The following FMN2 variants were observed in gnomAD, a reference collection of about 807,000 sequenced individuals.
FMN2 encodes the protein formin 2.
In FMN2, 51 loss-of-function variants were observed where a neutral mutation model predicts 142.3. The observed-to-expected ratio is 0.36, with a 90% CI of 0.29 to 0.45. The LOEUF is 0.45. Among genes scored for constraint, FMN2 ranks in the 20% least tolerant of loss-of-function variants. The pLI is 1.00. For missense variants in FMN2, 1,936 were observed against 2,122.8 expected, an observed-to-expected ratio of 0.91 and a Z score of 1.73; for synonymous variants, 882 against 869.8, an observed-to-expected ratio of 1.01 and a Z score of -0.25.
rs1310809296 is a variant in FMN2, at chr1:240,334,235, T to A, written c.4765+6T>A. On this transcript the variant is annotated splice_donor_region_variant and intron_variant, in intron 13 of 17. Coordinates refer to ENST00000319653, the MANE Select transcript of FMN2 (RefSeq NM_020066.5). ...ACTGAAGAAAGACTTGAAAGGTAAC[T>A]TAAAATCCTGAACTCATGTTTTCTG... is the stretch of plus-strand genomic sequence containing the variant. 2.5e-6 allele frequency: 4 copies of A among 1,588,282 alleles called. No homozygotes were observed. In the East Asian group the frequency reaches 9.0e-5, roughly 36 times the overall value.
At chr1:240,447,687 T>C (rs1675874497) in intron 16 of FMN2, among the ~76,000 whole-genome samples, 1 of 152,226 alleles carries the variant, frequency 6.6e-6, no homozygotes, top group Non-Finnish European at 1.5e-5. Context: ...GATTCGTCTT[T>C]GTGAGGAGCT....
At chr1:240,336,582 A>AG (rs1553365084) in intron 13 of FMN2, among the ~76,000 whole-genome samples, 16,939 of 99,592 alleles carry the variant, frequency 0.17, 5,266 homozygotes, top group East Asian at 0.29. Flanking sequence ...AAAAAAAAAA[A>AG]GGTGGTTGCA....
chr1:240,399,549 G>A (rs750331016), intron 15 of FMN2, among the ~76,000 whole-genome samples: 1 of 152,096 alleles, frequency 6.6e-6, no homozygotes, highest in Non-Finnish European at 1.5e-5. Context: ...ATGAAGATAG[G>A]AGCTTCCACT....
At position 240,208,093 on chromosome 1, in the gene FMN2, C is replaced by T. The variant is rs201701711; in HGVS notation, c.3281C>T (p.Ala1094Val). ...GIPPPPPLPGAGIPPPPPLPG... is the reference protein window; with the variant it reads ...GIPPPPPLPGVGIPPPPPLPG... ...CCCCCACCTCCCCCTCTACCCGGAG[C>T]GGGCATACCCCCTCCGCCCCCTCTA... is the stretch of plus-strand genomic sequence containing the variant. Residue 1094 changes from alanine to valine, a missense_variant, in exon 5 of 18, where the codon GCG becomes GTG. Around this residue, in one of 8 missense-constraint regions of FMN2, gnomAD observed 56 missense variants for 111.8 expected, o/e 0.50. Coordinates refer to ENST00000319653, the MANE Select transcript of FMN2 (RefSeq NM_020066.5). 353 of 896,028 alleles carry T rather than the reference C, an allele frequency of 3.9e-4. 1 individual carries two copies. Among genetic ancestry groups the T allele is most frequent in the Non-Finnish European group, 5.3e-4 (314 of 589,996 alleles). 55.5% of individuals were successfully genotyped at this position (896,028 alleles called of 1,614,324 possible). A position where few individuals can be genotyped will look rare whatever the true frequency, so the allele number is the denominator to read the frequency against.
At chr1:240,443,487 C>CAGCACTTTGGGAGGCCA (rs1553265914) in intron 16 of FMN2, among the ~76,000 whole-genome samples, 4 of 152,064 alleles carry the variant, frequency 2.6e-5, no homozygotes, top group Admixed American at 2.0e-4. Flanking sequence ...TTTGGGAGGC[C>CAGCACTTTGGGAGGCCA]AGCACTTTGG....
intron 15 of FMN2, among the ~76,000 whole-genome samples, chr1:240,436,213 AC>A (rs1675364464): frequency 6.6e-6 from 1 of 151,582 alleles, no homozygotes; most frequent in Non-Finnish European, 1.5e-5. Flanking sequence ...TCACAGCCTG[AC>A]TCTTTCTCAG....
intron 2 of FMN2, among the ~76,000 whole-genome samples, chr1:240,169,005 G>A (rs1220412997): frequency 6.6e-6 from 1 of 152,116 alleles, no homozygotes; most frequent in Non-Finnish European, 1.5e-5. Context: ...GAGGTCAAGA[G>A]ATCGAGATCA....
At chr1:240,111,149 C>T (rs150563093) in intron 1 of FMN2, among the ~76,000 whole-genome samples, 20 of 152,196 alleles carry the variant, frequency 1.3e-4, no homozygotes, top group South Asian at 4.1e-4. Context: ...CAGTAATCCT[C>T]GGAGGTAATG....
chr1:240,450,158 T>C (rs1675960374), intron 16 of FMN2, among the ~76,000 whole-genome samples: 1 of 152,154 alleles, frequency 6.6e-6, no homozygotes, highest in Admixed American at 6.5e-5. Context: ...AGAGTAATAA[T>C]TCTGCAGAGC....
intron 14 of FMN2, among the ~76,000 whole-genome samples, chr1:240,363,143 A>C (rs954406516): frequency 6.6e-6 from 1 of 152,340 alleles, no homozygotes; most frequent in Non-Finnish European, 1.5e-5. Context: ...GTAGAAGAGA[A>C]TATCTTTCTC....
At chr1:240,284,918 C>T (rs1277666146) in intron 7 of FMN2, among the ~76,000 whole-genome samples, 1 of 152,076 alleles carries the variant, frequency 6.6e-6, no homozygotes. Flanking sequence ...TTAATCTTAA[C>T]TCGCTGGGAT....
Position 240,259,967 on chromosome 1 carries a change from C to T in FMN2, c.4153+1935C>T, listed in dbSNP as rs1381443808. Among the ~76,000 whole-genome samples, 11 of 152,272 alleles carry T rather than the reference C, an allele frequency of 7.2e-5. No homozygotes were observed. In the South Asian group the frequency reaches 2.3e-3, roughly 32 times the overall value. On this transcript the variant is annotated intron_variant, in intron 7 of 17. Transcript: ENST00000319653. ...TTTTTATGCCTTTGCATCCTCATAG[C>T]TTAGCTCTCACTTATGAATGTGAGA...
At chr1:240,185,569 A>G (rs892213137) in intron 3 of FMN2, among the ~76,000 whole-genome samples, 6 of 152,198 alleles carry the variant, frequency 3.9e-5, no homozygotes, top group African/African-American at 1.2e-4. Context: ...GCATCTTTCT[A>G]ATGTGGTTTT....
chr1:240,123,664 TACAG>T (rs1224620051), intron 2 of FMN2, among the ~76,000 whole-genome samples: 1 of 152,200 alleles, frequency 6.6e-6, no homozygotes, highest in East Asian at 1.9e-4. Context: ...TGTGGTAAAA[TACAG>T]ACAACATAAA....
In FMN2 at chr1:240,398,841, G is replaced by A. The variant is rs1673877866; in HGVS notation, c.4910+6279G>A. Among the ~76,000 whole-genome samples, 2 of 151,998 alleles carry A rather than the reference G, an allele frequency of 1.3e-5. 1 individual carries two copies. The highest frequency in any genetic ancestry group is 4.1e-4 in the South Asian group (2 of 4,824). On this transcript the variant is annotated intron_variant, in intron 15 of 17. Coordinates refer to ENST00000319653, the MANE Select transcript of FMN2 (RefSeq NM_020066.5). The stretch of plus-strand genomic sequence containing the variant: ...ATCTCTGGCAGATGCTTAGTCCCAA[G>A]TGATCAATAGATGTTAATTGCTATG...
chr1:240,432,630 A>G (rs191346761), intron 15 of FMN2, among the ~76,000 whole-genome samples: 4 of 151,718 alleles, frequency 2.6e-5, no homozygotes, highest in South Asian at 2.1e-4. Flanking sequence ...TTAAAGTTCA[A>G]TTTCTCTCTA....
At chr1:240,395,276 C>A (rs377678609) in intron 15 of FMN2, among the ~76,000 whole-genome samples, 8 of 152,216 alleles carry the variant, frequency 5.3e-5, no homozygotes, top group East Asian at 3.8e-4. Flanking sequence ...GGACCATGCA[C>A]TTGGTCACCC....
At chr1:240,307,641 G>C (rs1428301924) in intron 8 of FMN2, among the ~76,000 whole-genome samples, 1 of 152,180 alleles carries the variant, frequency 6.6e-6, no homozygotes, top group Non-Finnish European at 1.5e-5. Flanking sequence ...GGTAACTGTA[G>C]CCTTGAAGTA....
At chr1:240,347,913 G>T (rs1671963108) in intron 13 of FMN2, among the ~76,000 whole-genome samples, 1 of 152,134 alleles carries the variant, frequency 6.6e-6, no homozygotes, top group Non-Finnish European at 1.5e-5. Flanking sequence ...TGGTGTATAT[G>T]TACCATATTT....
Sources: allele counts gnomAD v4.1 joint callset (sites outside exome capture counted in the v4.1 genomes callset), GRCh38; gene constraint gnomAD v4.1.1; regional missense constraint gnomAD v4.1.1; transcripts MANE v1.5; gene names NCBI Gene and HGNC (gene_info 2026-07-23, HGNC 2026-07-21).